The following RARB variants were observed in gnomAD, a reference collection of about 807,000 sequenced individuals.
RARB encodes HBV-activated protein.
A neutral mutation model predicts 51.9 loss-of-function variants in RARB; 17 were observed. The ratio of observed to expected loss-of-function variants is 0.33; its 90% CI spans 0.22 to 0.49. The LOEUF (loss-of-function observed/expected upper bound fraction) is 0.49. Among genes scored for constraint, RARB ranks in the 20% least tolerant of loss-of-function variants. RARB has a pLI of 0.99. For missense variants in RARB, 369 were observed against 550.8 expected, an observed-to-expected ratio of 0.67 and a Z score of 3.30; for synonymous variants, 215 against 195.4, an observed-to-expected ratio of 1.10 and a Z score of -0.84.
At chr3:25,480,666 T>C (rs930238748) in intron 2 of RARB, among the ~76,000 whole-genome samples, 1 of 152,190 alleles carries the variant, frequency 6.6e-6, no homozygotes, top group African/African-American at 2.4e-5. Context: ...AATCAGCCCA[T>C]TGAGAAGTTG....
At chr3:25,285,780 C>G (rs1478716815) in intron 5 of RARB, among the ~76,000 whole-genome samples, 2 of 152,138 alleles carry the variant, frequency 1.3e-5, no homozygotes, top group Admixed American at 1.3e-4. Context: ...GAGTTGATGG[C>G]AAAGCCAAAG....
intron 2 of RARB, among the ~76,000 whole-genome samples, chr3:24,908,461 A>G (rs1184059018): frequency 6.6e-6 from 1 of 152,176 alleles, no homozygotes; most frequent in Non-Finnish European, 1.5e-5. Context: ...AAGAACCTTA[A>G]CAATTTGGAT....
chr3:25,117,092 T>G (rs1220731704), intron 3 of RARB, among the ~76,000 whole-genome samples: 1 of 152,190 alleles, frequency 6.6e-6, no homozygotes, highest in African/African-American at 2.4e-5. Flanking sequence ...CGAACCAGTG[T>G]TTTTTGAATG....
intron 3 of RARB, among the ~76,000 whole-genome samples, chr3:25,525,906 C>A (rs547556233): frequency 6.6e-6 from 1 of 152,176 alleles, no homozygotes; most frequent in African/African-American, 2.4e-5. Flanking sequence ...AGGCAGAGAA[C>A]AGCAGTTGCA....
At chr3:25,341,331 T>C (rs4681017) in intron 5 of RARB, among the ~76,000 whole-genome samples, 55,416 of 151,942 alleles carry the variant, frequency 0.36, 10,859 homozygotes, top group South Asian at 0.5. Context: ...CTTCCATCTG[T>C]GAAAAAGTGA....
intron 5 of RARB, among the ~76,000 whole-genome samples, chr3:25,394,583 G>C (rs1386459722): frequency 6.6e-6 from 1 of 152,096 alleles, no homozygotes; most frequent in African/African-American, 2.4e-5. Context: ...GGGAGCTCCA[G>C]TGTTAGAGGC....
intron 5 of RARB, among the ~76,000 whole-genome samples, chr3:25,417,489 T>C (rs985435386): frequency 2.0e-5 from 3 of 152,166 alleles, no homozygotes; most frequent in Non-Finnish European, 4.4e-5. Context: ...GTTCTCCTGA[T>C]AGTGAATAAG....
intron 3 of RARB, among the ~76,000 whole-genome samples, chr3:25,087,999 A>T (rs908853584): frequency 6.6e-6 from 1 of 151,994 alleles, no homozygotes; most frequent in Non-Finnish European, 1.5e-5. Context: ...TAAGAAAGCT[A>T]TGAGCCTGAA....
chr3:25,095,213 G>C (rs1319261206), intron 3 of RARB, among the ~76,000 whole-genome samples: 1 of 152,170 alleles, frequency 6.6e-6, no homozygotes, highest in Non-Finnish European at 1.5e-5. Flanking sequence ...ACTTGGTGTA[G>C]AATGAATTGG....
intron 5 of RARB, among the ~76,000 whole-genome samples, chr3:25,247,884 A>ATGT (rs751142385): frequency 1.6e-4 from 25 of 152,320 alleles, no homozygotes; most frequent in African/African-American, 5.3e-4. Flanking sequence ...CTGTAAATTA[A>ATGT]TGTTAGATCC....
At chr3:25,574,545 G>C (rs1423200995) in intron 4 of RARB, among the ~76,000 whole-genome samples, 1 of 152,184 alleles carries the variant, frequency 6.6e-6, no homozygotes, top group Middle Eastern at 3.2e-3. Context: ...CCCCCAGCTC[G>C]TGCTGTCTGC....
chr3:25,484,428 CGT>C (rs1436443559), intron 2 of RARB, among the ~76,000 whole-genome samples: 7 of 151,750 alleles, frequency 4.6e-5, no homozygotes, highest in Non-Finnish European at 8.8e-5. Context: ...AGAAAGAGAC[CGT>C]GTTTTCTCCA....
intron 5 of RARB, among the ~76,000 whole-genome samples, chr3:25,235,502 TG>T (rs1250156784): frequency 6.6e-6 from 1 of 152,176 alleles, no homozygotes; most frequent in African/African-American, 2.4e-5. Context: ...TCAGCAAAGT[TG>T]AAAGGTGTTT....
chr3:24,940,550 A>G (rs912131886), intron 2 of RARB, among the ~76,000 whole-genome samples: 1 of 152,174 alleles, frequency 6.6e-6, no homozygotes, highest in Non-Finnish European at 1.5e-5. Context: ...CTCTCCATCC[A>G]ATTCCTTTCC....
chr3:25,049,463 G>A (rs562433808), intron 2 of RARB, among the ~76,000 whole-genome samples: 1 of 152,130 alleles, frequency 6.6e-6, no homozygotes, highest in African/African-American at 2.4e-5. Flanking sequence ...ACATCACTTT[G>A]ACTATTCTTT....
At chr3:25,567,586 G>A (rs150107821) in intron 3 of RARB, among the ~76,000 whole-genome samples, 85 of 152,088 alleles carry the variant, frequency 5.6e-4, no homozygotes, top group African/African-American at 1.9e-3. Flanking sequence ...TTCAACTGCC[G>A]TGAGTCACAC....
chr3:25,398,770 G>A (rs1395954004), intron 5 of RARB, among the ~76,000 whole-genome samples: 1 of 152,070 alleles, frequency 6.6e-6, no homozygotes, highest in Non-Finnish European at 1.5e-5. Context: ...TTATAAAATT[G>A]TATTAAACAA....
Position 24,859,405 on chromosome 3 carries a change from G to C in RARB, c.-380+653G>C, listed in dbSNP as rs189971550. Among the ~76,000 whole-genome samples, 10 of 152,260 alleles carry C rather than the reference G, an allele frequency of 6.6e-5. No homozygotes were observed. The East Asian group carries it at 1.9e-3, about 29-fold the overall frequency. On this transcript the variant is annotated intron_variant, in intron 2 of 11. Transcript: ENST00000383772. Reference sequence around the variant, plus strand: ...AAGTTTTTAGTACAACTCTCATGTAGGTGTAACAAATAGTTAAGCATTAGA... The same window carrying C: ...AAGTTTTTAGTACAACTCTCATGTACGTGTAACAAATAGTTAAGCATTAGA...
chr3:25,113,222 A>G (rs558201304), intron 3 of RARB, among the ~76,000 whole-genome samples: 8 of 152,242 alleles, frequency 5.3e-5, no homozygotes, highest in Non-Finnish European at 7.4e-5. Flanking sequence ...TCAATTAGCA[A>G]TTAGCTCCTT....
Sources: gnomAD v4.1 joint callset for allele counts (sites outside exome capture counted in the v4.1 genomes callset) on GRCh38, gnomAD v4.1.1 for gene constraint, MANE v1.5 for transcripts, NCBI Gene and HGNC (gene_info 2026-07-23, HGNC 2026-07-21) for gene names.